Variants in ANO6 observed in about 807,000 individuals in gnomAD.
The protein encoded by ANO6 is anoctamin 6.
Under a neutral mutation model 117.5 loss-of-function variants are expected in ANO6, and 106 were observed. The observed-to-expected ratio is 0.90, with a 90% CI of 0.77 to 1.06. ANO6 has a LOEUF of 1.06. ANO6 is among the 50% of genes least tolerant of loss of function. ANO6 has a pLI of 0.00. For missense variants in ANO6, 955 were observed against 1,121.1 expected (o/e 0.85, Z 2.12); for synonymous variants, 367 against 385.1 (o/e 0.95, Z 0.55).
chr12:45,327,486 AGCAG>A (rs1397295061), intron 2 of ANO6, among the ~76,000 whole-genome samples: 3 of 152,214 alleles, frequency 2.0e-5, no homozygotes, highest in Non-Finnish European at 4.4e-5. Flanking sequence ...TGCTCATTGC[AGCAG>A]TGTTTATAAA....
intron 1 of ANO6, among the ~76,000 whole-genome samples, chr12:45,262,208 A>G (rs1411381973): frequency 6.6e-6 from 1 of 152,078 alleles, no homozygotes; most frequent in East Asian, 1.9e-4. Context: ...CCCGCCTTTT[A>G]AAAAAATGCA....
At chr12:45,363,421 G>A (rs953349652) in intron 8 of ANO6, among the ~76,000 whole-genome samples, 5 of 151,796 alleles carry the variant, frequency 3.3e-5, no homozygotes, top group East Asian at 1.9e-4. Context: ...AAACTTAGCC[G>A]GGCATGGTGA....
chr12:45,427,820 A>G (rs1262227451), intron 19 of ANO6, among the ~76,000 whole-genome samples: 3 of 151,094 alleles, frequency 2.0e-5, no homozygotes, highest in East Asian at 3.9e-4. Context: ...GGTACCTGTA[A>G]TCCAGCTACT....
intron 2 of ANO6, among the ~76,000 whole-genome samples, chr12:45,304,932 C>T (rs1460517811): frequency 6.6e-6 from 1 of 152,220 alleles, no homozygotes; most frequent in Non-Finnish European, 1.5e-5. Flanking sequence ...CTGGAGACCA[C>T]AGCCTACCTT....
rs201647679 is a variant in ANO6, at chr12:45,422,987, C to T, written c.2451C>T (p.His817=). The change falls in exon 19 of 20, where the codon CAC becomes CAT. Residue 817 remains histidine, a synonymous_variant. Transcript: ENST00000320560. The stretch of plus-strand genomic sequence containing the variant: ...GTGATTTCCGATACCCACCTGGACA[C>T]CCCCAGGAGTATAAACACAACATCT... The part of the protein sequence containing the change: ...RYRDFRYPPG[H]PQEYKHNIYY... The T allele has an allele frequency of 2.4e-5, 39 of 1,613,704 alleles. No individual in the cohort carries two copies. Among genetic ancestry groups the T allele is most frequent in the Non-Finnish European group, 3.1e-5 (36 of 1,179,718 alleles).
At position 45,219,933 on chromosome 12, in the gene ANO6, T is replaced by C. The variant is rs539800002; in HGVS notation, c.70+3542T>C. Among the ~76,000 whole-genome samples the C allele has an allele frequency of 5.9e-5, 9 of 152,234 alleles. No individual in the cohort carries two copies. The East Asian group carries it at 1.7e-3, about 29-fold the overall frequency. ...CCCTGTTGTGCTGGTGGAGATCACA[T>C]ATTGTTGCAAGCCCCTGGGAGTTAG... On this transcript the variant is annotated intron_variant, in intron 1 of 19. Coordinates refer to ENST00000320560, the MANE Select transcript of ANO6 (RefSeq NM_001025356.3).
intron 19 of ANO6, among the ~76,000 whole-genome samples, chr12:45,425,379 G>C (rs1472728942): frequency 1.3e-5 from 2 of 152,132 alleles, no homozygotes; most frequent in East Asian, 3.8e-4. Context: ...AAATGAAAGA[G>C]TTCACAGATC....
chr12:45,233,117 A>G (rs1376661992), intron 1 of ANO6, among the ~76,000 whole-genome samples: 1 of 152,212 alleles, frequency 6.6e-6, no homozygotes, highest in Non-Finnish European at 1.5e-5. Flanking sequence ...CTGGAGGAAG[A>G]GTTTAACCTG....
intron 8 of ANO6, among the ~76,000 whole-genome samples, chr12:45,365,349 G>GC (rs1415371959): frequency 6.6e-6 from 1 of 152,172 alleles, no homozygotes; most frequent in African/African-American, 2.4e-5. Flanking sequence ...GCTTTTTAGA[G>GC]CCCCCTGTGC....
At chr12:45,342,948 A>G (rs1304837762) in intron 3 of ANO6, among the ~76,000 whole-genome samples, 1 of 152,186 alleles carries the variant, frequency 6.6e-6, no homozygotes, top group African/African-American at 2.4e-5. Context: ...GACTTCTGAC[A>G]CCAAGAAGAG....
chr12:45,357,522 G>A, intron 8 of ANO6, 98 bp downstream of exon 8: 1 of 1,421,244 alleles, frequency 7.0e-7, no homozygotes, highest in Middle Eastern at 2.4e-4. Flanking sequence ...AAGACTGACT[G>A]CAGAACATTC....
At chr12:45,261,614 C>T (rs1938036246) in intron 1 of ANO6, among the ~76,000 whole-genome samples, 1 of 152,220 alleles carries the variant, frequency 6.6e-6, no homozygotes, top group Non-Finnish European at 1.5e-5. Context: ...AAAGGACTTG[C>T]TTCTAATTTA....
At chr12:45,259,615 C>T (rs548804557) in intron 1 of ANO6, among the ~76,000 whole-genome samples, 4 of 152,314 alleles carry the variant, frequency 2.6e-5, no homozygotes, top group African/African-American at 4.8e-5. Context: ...GCTCTGCACA[C>T]GCTTTTCCAC....
At chr12:45,399,815 T>G (rs1942736270) in intron 12 of ANO6, among the ~76,000 whole-genome samples, 1 of 152,200 alleles carries the variant, frequency 6.6e-6, no homozygotes, top group African/African-American at 2.4e-5. Context: ...TACAAGGTAC[T>G]TTCAGATTGT....
chr12:45,343,594 A>G (rs779296069), intron 3 of ANO6, among the ~76,000 whole-genome samples: 25 of 152,224 alleles, frequency 1.6e-4, no homozygotes, highest in Non-Finnish European at 2.4e-4. Context: ...TCTGTTAGTC[A>G]GGATTCTTAC....
At chr12:45,397,872 T>C (rs1345598343) in intron 12 of ANO6, among the ~76,000 whole-genome samples, 1 of 152,030 alleles carries the variant, frequency 6.6e-6, no homozygotes, top group Non-Finnish European at 1.5e-5. Flanking sequence ...TTAGGAGAAA[T>C]ACCTAATGTG....
At chr12:45,330,460 C>T (rs1940626771) in intron 2 of ANO6, among the ~76,000 whole-genome samples, 2 of 151,992 alleles carry the variant, frequency 1.3e-5, no homozygotes, top group Admixed American at 1.3e-4. Flanking sequence ...AAAAAGCAGT[C>T]GATTCTTAAC....
chr12:45,401,982 C>T lies in ANO6; in HGVS notation c.1574C>T (p.Thr525Ile). 1 of 1,613,892 alleles carries T rather than the reference C, an allele frequency of 6.2e-7. No homozygotes were observed. The highest frequency in any genetic ancestry group is 8.5e-7 in the Non-Finnish European group (1 of 1,179,956). ...ISFIIIMILN[T>I]IYEKVAIMIT... ...TTTATAATTATCATGATTCTGAACA[C>T]CATATATGAAAAAGTGGCAATTATG... Residue 525 changes from threonine (T) to isoleucine (I), a missense_variant, in exon 13 of 20, where the codon ACC (threonine) becomes ATC (isoleucine). Thr to Ile is a moderately conservative substitution (Grantham distance 89). Coordinates refer to ENST00000320560, the MANE Select transcript of ANO6 (RefSeq NM_001025356.3).
At chr12:45,362,897 T>C (rs1941591207) in intron 8 of ANO6, among the ~76,000 whole-genome samples, 1 of 152,218 alleles carries the variant, frequency 6.6e-6, no homozygotes, top group South Asian at 2.1e-4. Context: ...TTCATAATTG[T>C]TGCTTTGTGT....
Sources: allele counts gnomAD v4.1 joint callset (sites outside exome capture counted in the v4.1 genomes callset), GRCh38; gene constraint gnomAD v4.1.1; transcripts MANE v1.5; gene names NCBI Gene and HGNC (gene_info 2026-07-23, HGNC 2026-07-21).